Variants in EXOC2 observed in about 807,000 individuals in gnomAD.
EXOC2 encodes exocyst complex component 2, also known as SEC5-like 1.
A neutral mutation model predicts 131.8 loss-of-function variants in EXOC2; 70 were observed. That is an observed-to-expected ratio of 0.53 (90% confidence interval 0.44 to 0.65). The LOEUF (loss-of-function observed/expected upper bound fraction) is 0.65, where lower values mean the gene tolerates loss of function less well. EXOC2 is among the 30% of genes least tolerant of loss of function. The probability of loss-of-function intolerance (pLI) is 0.00; values close to 1 mark genes in which losing one functional copy is unlikely to be tolerated. For synonymous variants in EXOC2, 411 were observed against 398.4 expected (o/e 1.03, Z -0.38); for missense variants, 923 against 1,108.6 (o/e 0.83, Z 2.38).
intron 11 of EXOC2, among the ~76,000 whole-genome samples, chr6:586,767 G>A (rs894583133): frequency 6.6e-5 from 10 of 152,222 alleles, no homozygotes; most frequent in African/African-American, 2.2e-4. Context: ...TCAGGTGAGA[G>A]GGGGAGTGAC....
chr6:617,524 G>A (rs757042074), intron 6 of EXOC2, among the ~76,000 whole-genome samples, 187 bp downstream of exon 6: 5 of 152,222 alleles, frequency 3.3e-5, no homozygotes, highest in Admixed American at 6.5e-5. Context: ...AAGCCTCAGA[G>A]ATAAATTTTT....
chr6:522,356 G>GC (rs1289878413), intron 23 of EXOC2, among the ~76,000 whole-genome samples: 1 of 150,272 alleles, frequency 6.7e-6, no homozygotes, highest in African/African-American at 2.5e-5. Flanking sequence ...CCAGGCCTCA[G>GC]CCAGGCCCAT....
chr6:663,861 C>T (rs193187802), intron 1 of EXOC2, among the ~76,000 whole-genome samples: 1 of 152,286 alleles, frequency 6.6e-6, no homozygotes, highest in African/African-American at 2.4e-5. Flanking sequence ...GAAAGCATTC[C>T]CTCTGAGAAC....
chr6:684,154 G>T (rs1005705278), intron 1 of EXOC2, among the ~76,000 whole-genome samples: 19 of 152,180 alleles, frequency 1.2e-4, no homozygotes, highest in African/African-American at 4.6e-4. Flanking sequence ...CTCTGCAGCA[G>T]CCCAGAGAGG....
chr6:635,158 A>C (rs1762042472), intron 2 of EXOC2, among the ~76,000 whole-genome samples: 1 of 152,248 alleles, frequency 6.6e-6, no homozygotes, highest in African/African-American at 2.4e-5. Flanking sequence ...CAATGTAAAA[A>C]TACAAATAGT....
At chr6:494,929 G>A (rs1253695933) in intron 25 of EXOC2, among the ~76,000 whole-genome samples, 1 of 152,104 alleles carries the variant, frequency 6.6e-6, no homozygotes, top group Non-Finnish European at 1.5e-5. Flanking sequence ...GCCCAGTCTG[G>A]ATGCAGTAGC....
intron 17 of EXOC2, among the ~76,000 whole-genome samples, chr6:558,265 C>T (rs1757526198): frequency 6.6e-6 from 1 of 152,114 alleles, no homozygotes; most frequent in South Asian, 2.1e-4. Context: ...GTTATTTCTG[C>T]ACTTTGAAAC....
intron 11 of EXOC2, among the ~76,000 whole-genome samples, chr6:589,440 T>C (rs1029882340): frequency 6.6e-6 from 1 of 152,132 alleles, no homozygotes; most frequent in East Asian, 1.9e-4. Context: ...TGACTGTCGT[T>C]GTTTAGGTTC....
intron 2 of EXOC2, among the ~76,000 whole-genome samples, chr6:636,530 G>A (rs576670782): frequency 6.6e-6 from 1 of 152,286 alleles, no homozygotes; most frequent in South Asian, 2.1e-4. Context: ...ACACAGTGCT[G>A]AGCTCCCGTT....
At chr6:630,769 G>A (rs778800362) in intron 3 of EXOC2, among the ~76,000 whole-genome samples, 5 of 152,102 alleles carry the variant, frequency 3.3e-5, no homozygotes, top group Admixed American at 2.6e-4. Flanking sequence ...GAAACAGCAG[G>A]GATTTTTTTC....
intron 7 of EXOC2, among the ~76,000 whole-genome samples, chr6:606,485 T>G (rs375227702): frequency 6.6e-6 from 1 of 152,198 alleles, no homozygotes; most frequent in Non-Finnish European, 1.5e-5. Context: ...CATTTAAAAT[T>G]AAAGCGTCAT....
chr6:619,756 A>G (rs1761192685), intron 4 of EXOC2, among the ~76,000 whole-genome samples: 1 of 152,226 alleles, frequency 6.6e-6, no homozygotes, highest in Non-Finnish European at 1.5e-5. Context: ...TTGATTTTAT[A>G]TAGAAAAGAT....
chr6:576,093 C>T (rs563902972), intron 12 of EXOC2, among the ~76,000 whole-genome samples: 1 of 152,250 alleles, frequency 6.6e-6, no homozygotes, highest in South Asian at 2.1e-4. Flanking sequence ...AACAACTGTA[C>T]AGGTATCTGA....
At chr6:509,970 A>G (rs991561972) in intron 23 of EXOC2, among the ~76,000 whole-genome samples, 5 of 152,218 alleles carry the variant, frequency 3.3e-5, no homozygotes, top group Non-Finnish European at 5.9e-5. Flanking sequence ...CAAAAATACT[A>G]TAAATATCCC....
chr6:499,154 C>T (rs1479774007), intron 24 of EXOC2, among the ~76,000 whole-genome samples: 1 of 152,146 alleles, frequency 6.6e-6, no homozygotes, highest in Non-Finnish European at 1.5e-5. Flanking sequence ...CAACCACGGA[C>T]AGGAAACCAC....
intron 4 of EXOC2, among the ~76,000 whole-genome samples, chr6:625,771 C>A (rs995759828): frequency 6.6e-6 from 1 of 152,080 alleles, no homozygotes; most frequent in South Asian, 2.1e-4. Context: ...AGGTTTGCAT[C>A]GCCCATAACA....
intron 23 of EXOC2, among the ~76,000 whole-genome samples, chr6:530,580 C>T (rs1022153219): frequency 3.9e-5 from 6 of 152,196 alleles, no homozygotes; most frequent in Admixed American, 1.3e-4. Context: ...ACACAGGGCC[C>T]GGAAGGGCAG....
At chr6:683,497 CA>C (rs1268416194) in intron 1 of EXOC2, among the ~76,000 whole-genome samples, 1 of 152,212 alleles carries the variant, frequency 6.6e-6, no homozygotes, top group Non-Finnish European at 1.5e-5. Context: ...AAACCAATAT[CA>C]CCGCTGACAA....
intron 17 of EXOC2, 147 bp from the exon 18 acceptor site, chr6:556,711 T>C: frequency 1.3e-6 from 1 of 793,944 alleles, no homozygotes; most frequent in Non-Finnish European, 2.0e-6. Flanking sequence ...CATCTCCTAG[T>C]CATTGAGTTT....
Sources: gnomAD v4.1 joint callset for allele counts (sites outside exome capture counted in the v4.1 genomes callset) on GRCh38, gnomAD v4.1.1 for gene constraint, MANE v1.5 for transcripts, NCBI Gene and HGNC (gene_info 2026-07-23, HGNC 2026-07-21) for gene names.